Variants in CEP70 observed in about 807,000 individuals in gnomAD.
The protein encoded by CEP70 is centrosomal protein 70.
CEP70 carries 70 observed loss-of-function variants against 90.9 expected under a neutral mutation model. The ratio of observed to expected loss-of-function variants is 0.77; its 90% CI spans 0.64 to 0.94. The LOEUF (loss-of-function observed/expected upper bound fraction) is 0.94, where lower values mean the gene tolerates loss of function less well. Ranked by LOEUF, CEP70 falls within the 40% of genes least tolerant of loss-of-function variation. CEP70 has a pLI of 0.00. For synonymous variants in CEP70, 220 were observed against 228.3 expected, an observed-to-expected ratio of 0.96 and a Z score of 0.33; for missense variants, 648 against 669.0, an observed-to-expected ratio of 0.97 and a Z score of 0.35.
intron 2 of CEP70, among the ~76,000 whole-genome samples, chr3:138,588,514 G>A (rs779051179): frequency 5.9e-5 from 9 of 152,172 alleles, no homozygotes; most frequent in Non-Finnish European, 1.3e-4. Context: ...TTAGTCAGGA[G>A]GGAAATGCAA....
chr3:138,546,585 C>A (rs528014478), intron 6 of CEP70, among the ~76,000 whole-genome samples: 1 of 152,070 alleles, frequency 6.6e-6, no homozygotes, highest in Non-Finnish European at 1.5e-5. Context: ...CCCGTCTCTA[C>A]TGAAAATACA....
In CEP70 at chr3:138,525,489, C is replaced by G. The variant is rs139687358; in HGVS notation, c.944+1G>C. The G allele has an allele frequency of 5.1e-5, 69 of 1,349,142 alleles. No individual in the cohort carries two copies. Among genetic ancestry groups the G allele is most frequent in the Middle Eastern group, 1.9e-4 (1 of 5,158 alleles). 83.6% of individuals were successfully genotyped at this position (1,349,142 alleles called of 1,614,324 possible). A position where few individuals can be genotyped will look rare whatever the true frequency, so the allele number is the denominator to read the frequency against. On this transcript the variant is annotated splice_donor_variant, in intron 11 of 17. Transcript: ENST00000264982. LOFTEE classifies it high-confidence loss of function. ...GGCAATTTTGGTAAAAATATAATTACTTGACGTTTTTCTTAAGGGCTTTTT... is the reference window on the plus strand; with the variant it reads ...GGCAATTTTGGTAAAAATATAATTAGTTGACGTTTTTCTTAAGGGCTTTTT...
At chr3:138,526,335 AT>A (rs1357211174) in intron 10 of CEP70, among the ~76,000 whole-genome samples, 1 of 149,046 alleles carries the variant, frequency 6.7e-6, no homozygotes. Context: ...TGATTTTTGT[AT>A]TTTTTTTGGT....
chr3:138,527,250 T>G (rs1334080063), intron 10 of CEP70, among the ~76,000 whole-genome samples: 1 of 131,014 alleles, frequency 7.6e-6, no homozygotes, highest in Non-Finnish European at 1.6e-5. Context: ...ACTGCAGCCT[T>G]GACCTCCTGG....
At chr3:138,499,014 C>A (rs2034223314) in intron 16 of CEP70, among the ~76,000 whole-genome samples, 1 of 151,412 alleles carries the variant, frequency 6.6e-6, no homozygotes, top group Admixed American at 6.6e-5. Flanking sequence ...CCACTGCACT[C>A]CAGCCTGGGC....
At chr3:138,544,963 T>C (rs571336101) in intron 6 of CEP70, among the ~76,000 whole-genome samples, 2 of 152,230 alleles carry the variant, frequency 1.3e-5, no homozygotes, top group Admixed American at 1.3e-4. Flanking sequence ...ACAATACAGA[T>C]ACATAGAAGG....
At chr3:138,577,989 C>A (rs1025599130) in intron 2 of CEP70, among the ~76,000 whole-genome samples, 1 of 152,202 alleles carries the variant, frequency 6.6e-6, no homozygotes, top group African/African-American at 2.4e-5. Flanking sequence ...CACATTAAAA[C>A]AGAAGCAACT....
chr3:138,542,372 A>G (rs2038841990), intron 6 of CEP70, among the ~76,000 whole-genome samples: 1 of 152,208 alleles, frequency 6.6e-6, no homozygotes. Context: ...AGTGTGTCAG[A>G]GCCCTGGCTC....
At chr3:138,541,598 A>G (rs1297741947) in intron 6 of CEP70, among the ~76,000 whole-genome samples, 1 of 152,214 alleles carries the variant, frequency 6.6e-6, no homozygotes, top group East Asian at 1.9e-4. Flanking sequence ...TGCAAAAACA[A>G]AAAAACATTT....
intron 2 of CEP70, among the ~76,000 whole-genome samples, chr3:138,582,232 G>C (rs893340797): frequency 2.0e-5 from 3 of 152,170 alleles, no homozygotes; most frequent in African/African-American, 7.2e-5. Context: ...TCAGCACTTT[G>C]GGAGGCCGAG....
intron 1 of CEP70, among the ~76,000 whole-genome samples, chr3:138,592,594 G>A (rs751689645): frequency 6.6e-6 from 1 of 152,198 alleles, no homozygotes; most frequent in Non-Finnish European, 1.5e-5. Flanking sequence ...GAGTTGATTT[G>A]TACATGGCAT....
In CEP70 at chr3:138,537,255, T is replaced by C; in HGVS notation, c.558A>G (p.Glu186=). ...QMEVCRLKKE[E]EDRIVTQNRV... The stretch of plus-strand genomic sequence containing the variant: ...TGTTTTGAGTGACAATGCGATCTTC[T>C]TCCTCCTTTTTTAATCTACAGACTT... Residue 186 remains glutamate (E), a synonymous_variant, in exon 7 of 18, where the codon GAA becomes GAG. Coordinates refer to ENST00000264982, the MANE Select transcript of CEP70 (RefSeq NM_024491.4). 1 of 1,608,492 alleles carries C rather than the reference T, an allele frequency of 6.2e-7. No homozygotes were observed. The highest frequency in any genetic ancestry group is 8.5e-7 in the Non-Finnish European group (1 of 1,177,706).
At chr3:138,530,942 T>G in intron 8 of CEP70, 1 of 562,052 alleles carries the variant, frequency 1.8e-6, no homozygotes, top group Non-Finnish European at 2.3e-6. Flanking sequence ...ACTCCCTCCT[T>G]AGGAGAGAGA....
At chr3:138,508,307 C>T in intron 12 of CEP70, 132 bp downstream of exon 12, 1 of 662,610 alleles carries the variant, frequency 1.5e-6, no homozygotes. Flanking sequence ...CACGGAAAGA[C>T]AAGACAGAAT....
intron 6 of CEP70, among the ~76,000 whole-genome samples, chr3:138,569,079 T>C (rs2040988008): frequency 6.6e-6 from 1 of 152,100 alleles, no homozygotes. Context: ...ATGTCTTCTC[T>C]GAAACTATGG....
intron 6 of CEP70, among the ~76,000 whole-genome samples, chr3:138,560,458 G>A (rs557232836): frequency 6.6e-6 from 1 of 152,058 alleles, no homozygotes; most frequent in South Asian, 2.1e-4. Flanking sequence ...TACTGAGCTA[G>A]GTGCAGGAGT....
At chr3:138,518,800 T>C (rs1349247387) in intron 11 of CEP70, among the ~76,000 whole-genome samples, 1 of 152,030 alleles carries the variant, frequency 6.6e-6, no homozygotes, top group African/African-American at 2.4e-5. Context: ...GCAATGCAGC[T>C]CCTCACCAGC....
intron 6 of CEP70, among the ~76,000 whole-genome samples, chr3:138,562,148 T>C (rs935563546): frequency 6.7e-6 from 1 of 149,476 alleles, no homozygotes; most frequent in African/African-American, 2.5e-5. Context: ...GAAAACAAGA[T>C]TAGAGAAAAA....
rs764216779 is a variant in CEP70 at position 138,529,305 on chromosome 3, G to C, written c.781-18C>G. On this transcript the variant is annotated intron_variant, in intron 9 of 17. Coordinates refer to ENST00000264982, the MANE Select transcript of CEP70 (RefSeq NM_024491.4). ...TGTAATGACTGCAACACATTTCATAGAAAAATAATTAACTTTCTTAGATTA... is the reference window on the plus strand; with the variant it reads ...TGTAATGACTGCAACACATTTCATACAAAAATAATTAACTTTCTTAGATTA... 6.3e-7 allele frequency: 1 copy of C among 1,577,004 alleles called. No individual in the cohort carries two copies. The highest frequency in any genetic ancestry group is 8.7e-7 in the Non-Finnish European group (1 of 1,155,980).
Sources: gnomAD v4.1 joint callset for allele counts (sites outside exome capture counted in the v4.1 genomes callset) on GRCh38, gnomAD v4.1.1 for gene constraint, MANE v1.5 for transcripts, NCBI Gene and HGNC (gene_info 2026-07-23, HGNC 2026-07-21) for gene names.